LDHB: variants seen among roughly 807,000 people sequenced by gnomAD.
LDHB encodes the protein L-lactate dehydrogenase B chain.
Under a neutral mutation model 33.4 loss-of-function variants are expected in LDHB, and 18 were observed. The ratio of observed to expected loss-of-function variants is 0.54; its 90% CI spans 0.37 to 0.80. The LOEUF (loss-of-function observed/expected upper bound fraction) is 0.80, where lower values mean the gene tolerates loss of function less well. Ranked by LOEUF, LDHB falls within the 30% of genes least tolerant of loss-of-function variation. The pLI, the probability that LDHB is intolerant of heterozygous loss-of-function variation, is 0.00. For synonymous variants in LDHB, 121 were observed against 140.6 expected (o/e 0.86, Z 0.98); for missense variants, 345 against 407.9 (o/e 0.85, Z 1.33).
intron 2 of LDHB, among the ~76,000 whole-genome samples, chr12:21,648,038 G>GA (rs10716782): frequency 9.4e-4 from 143 of 151,518 alleles, no homozygotes; most frequent in South Asian, 6.7e-3. Flanking sequence ...TGAAAGAAAG[G>GA]AAAAAAAAAA....
chr12:21,654,396 G>A (rs1052868670), intron 2 of LDHB, 147 bp downstream of exon 2: 30 of 708,446 alleles, frequency 4.2e-5, no homozygotes, highest in Non-Finnish European at 7.1e-5. Flanking sequence ...TTAAATATTT[G>A]AAAGTGAAGT....
rs759971220 is a variant in LDHB at position 21,644,058 on chromosome 12, G to T, written c.298C>A (p.Arg100Ser). The T allele has an allele frequency of 9.9e-6, 16 of 1,613,170 alleles. No homozygotes were observed. Among genetic ancestry groups the T allele is most frequent in the Non-Finnish European group, 8.5e-7 (1 of 1,179,366 alleles). ...AGCCGACTCTCCCCTTCTTGCTGAC[G>T]GACTCCTGCAGTTACCACTACAATC... ...SKIVVVTAGV[R>S]QQEGESRLNL... The change falls in exon 4 of 8, where the codon CGT becomes AGT. Residue 100 changes from arginine to serine, a missense_variant. Physicochemically the swap from Arg to Ser is moderately radical, Grantham distance 110. Coordinates refer to ENST00000350669, the MANE Select transcript of LDHB (RefSeq NM_002300.8).
At chr12:21,643,201 G>A (rs1300501485) in intron 4 of LDHB, among the ~76,000 whole-genome samples, 1 of 152,208 alleles carries the variant, frequency 6.6e-6, no homozygotes, top group Non-Finnish European at 1.5e-5. Context: ...TATTCACAGT[G>A]TTTCTCTATG....
chr12:21,653,643 C>CATAT (rs748447085), intron 2 of LDHB, among the ~76,000 whole-genome samples: 4 of 124,854 alleles, frequency 3.2e-5, no homozygotes, highest in African/African-American at 6.0e-5. Context: ...TGAACATACA[C>CATAT]ATATATATAT....
intron 2 of LDHB, among the ~76,000 whole-genome samples, chr12:21,653,436 GA>G (rs1384016487): frequency 1.3e-5 from 2 of 152,160 alleles, no homozygotes; most frequent in Non-Finnish European, 2.9e-5. Context: ...CACATCTGTG[GA>G]AAAATTGTCT....
intron 6 of LDHB, 38 bp downstream of exon 6, chr12:21,638,315 G>T: frequency 2.8e-6 from 3 of 1,067,246 alleles, no homozygotes; most frequent in Non-Finnish European, 4.4e-6. Context: ...AAGTAGAGTT[G>T]AAATTAATCA....
rs1371324224 is a variant in LDHB, at chr12:21,650,141, C to T, written c.130-3125G>A. On this transcript the variant is annotated intron_variant, in intron 2 of 7. Coordinates refer to ENST00000350669, the MANE Select transcript of LDHB (RefSeq NM_002300.8). Reference sequence around the variant, plus strand: ...ACACACACACACACACACACACACACACACACACACGTCTCTCTCTCCAAG... The same window carrying T: ...ACACACACACACACACACACACACATACACACACACGTCTCTCTCTCCAAG... Among the ~76,000 whole-genome samples, 797 of 142,344 alleles carry T rather than the reference C, an allele frequency of 5.6e-3. 12 individuals are homozygous for T. The highest frequency in any genetic ancestry group is 8.6e-3 in the Admixed American group (122 of 14,256). 93.4% of individuals were successfully genotyped at this position (142,344 alleles called of 152,430 possible).
chr12:21,637,814 T>C (rs923038322), intron 6 of LDHB, among the ~76,000 whole-genome samples: 2 of 151,944 alleles, frequency 1.3e-5, no homozygotes, highest in African/African-American at 4.8e-5. Flanking sequence ...TTCTCACTTG[T>C]AAAATAAAGG....
At chr12:21,644,351 G>T (rs1650295) in intron 3 of LDHB, among the ~76,000 whole-genome samples, 2 of 148,930 alleles carry the variant, frequency 1.3e-5, no homozygotes, top group Non-Finnish European at 3.0e-5. Context: ...CCGAAAGTAT[G>T]TTTTTGGCTA....
intron 2 of LDHB, chr12:21,654,263 G>A: frequency 9.9e-6 from 4 of 404,626 alleles, no homozygotes; most frequent in Non-Finnish European, 1.8e-5. Flanking sequence ...TTGACAACAT[G>A]GAGAATTTTA....
intron 2 of LDHB, among the ~76,000 whole-genome samples, chr12:21,651,740 C>T (rs756170431): frequency 4.6e-5 from 7 of 152,184 alleles, no homozygotes; most frequent in Non-Finnish European, 8.8e-5. Context: ...GATTTCTAAT[C>T]TTTACCATGT....
At chr12:21,655,725 A>C (rs1938825391) in intron 1 of LDHB, among the ~76,000 whole-genome samples, 1 of 151,974 alleles carries the variant, frequency 6.6e-6, no homozygotes, top group South Asian at 2.1e-4. Context: ...AAGACCCCTA[A>C]AATGTAAAAA....
chr12:21,644,735 C>T (rs930306664), intron 3 of LDHB, among the ~76,000 whole-genome samples: 8 of 152,048 alleles, frequency 5.3e-5, no homozygotes, highest in Admixed American at 2.6e-4. Flanking sequence ...GGTTACAGTG[C>T]GGCTTTTGAT....
chr12:21,638,476 T>TAAAA lies in LDHB; in HGVS notation c.596-10_596-7dup. The TAAAA allele has an allele frequency of 1.8e-6, 2 of 1,097,168 alleles. No homozygotes were observed. Among genetic ancestry groups the TAAAA allele is most frequent in the Non-Finnish European group, 2.7e-6 (2 of 743,806 alleles). 68.0% of individuals were successfully genotyped at this position (1,097,168 alleles called of 1,614,324 possible). On this transcript the variant is annotated splice_region_variant and splice_polypyrimidine_tract_variant and intron_variant, in intron 5 of 7. Transcript: ENST00000350669. ...CACACCACTCCACACAGCCACTGTT[T>TAAAA]AAAAAAAAAAAAAAAGACATTGCAG...
At chr12:21,653,980 ATGTGTCTCCTGATGG>A (rs1938764302) in intron 2 of LDHB, among the ~76,000 whole-genome samples, 3 of 152,192 alleles carry the variant, frequency 2.0e-5, no homozygotes, top group Admixed American at 6.5e-5. Context: ...GTTGAACATC[ATGTGTCTCCTGATGG>A]TCTGCACAAA....
chr12:21,636,946 T>C (rs1367657834), intron 7 of LDHB, 125 bp downstream of exon 7: 6 of 880,650 alleles, frequency 6.8e-6, no homozygotes, highest in African/African-American at 3.3e-5. Flanking sequence ...ATAGTTTACA[T>C]AAAACTTTGA....
At chr12:21,652,738 T>C (rs755093397) in intron 2 of LDHB, among the ~76,000 whole-genome samples, 1 of 152,166 alleles carries the variant, frequency 6.6e-6, no homozygotes, top group Non-Finnish European at 1.5e-5. Context: ...ACCTAGTCAA[T>C]TGAAACTAGC....
intron 2 of LDHB, among the ~76,000 whole-genome samples, chr12:21,649,137 A>C (rs138042407): frequency 2.0e-5 from 3 of 152,328 alleles, no homozygotes; most frequent in East Asian, 3.9e-4. Flanking sequence ...AGCACTGGGA[A>C]TATCACTCTT....
intron 7 of LDHB, 50 bp downstream of exon 7, chr12:21,637,021 T>C: frequency 7.0e-7 from 1 of 1,436,954 alleles, no homozygotes; most frequent in Non-Finnish European, 9.8e-7. Context: ...AATCTTTTTG[T>C]AGAATACAAT....
Sources: allele counts gnomAD v4.1 joint callset (sites outside exome capture counted in the v4.1 genomes callset), GRCh38; gene constraint gnomAD v4.1.1; transcripts MANE v1.5; gene names NCBI Gene and HGNC (gene_info 2026-07-23, HGNC 2026-07-21).